The following DAP variants were observed in gnomAD, a reference collection of about 807,000 sequenced individuals.
DAP encodes the protein death associated protein, also known as death-associated protein 1.
In DAP, 8 loss-of-function variants were observed where a neutral mutation model predicts 13.8. The observed-to-expected ratio is 0.58, with a 90% CI of 0.34 to 1.05. DAP has a LOEUF of 1.05. Ranked by LOEUF, DAP falls within the 50% of genes least tolerant of loss-of-function variation. The pLI is 0.03. For synonymous variants in DAP, 47 were observed against 47.5 expected (o/e 0.99, Z 0.04); for missense variants, 106 against 133.2 (o/e 0.80, Z 1.01).
intron 2 of DAP, among the ~76,000 whole-genome samples, chr5:10,721,459 T>A (rs1739138675): frequency 6.6e-6 from 1 of 152,062 alleles, no homozygotes; most frequent in Non-Finnish European, 1.5e-5. Context: ...AAGAAGGGAG[T>A]TACAGTGTTG....
At chr5:10,706,104 C>A (rs1475353249) in intron 2 of DAP, among the ~76,000 whole-genome samples, 4 of 152,214 alleles carry the variant, frequency 2.6e-5, no homozygotes, top group Non-Finnish European at 5.9e-5. Flanking sequence ...GCAGAAGTGT[C>A]TTCATAAACA....
At chr5:10,697,274 T>G (rs959885397) in intron 2 of DAP, among the ~76,000 whole-genome samples, 4 of 152,216 alleles carry the variant, frequency 2.6e-5, no homozygotes, top group Non-Finnish European at 4.4e-5. Flanking sequence ...CATGGTTAGC[T>G]CGTTACAAGA....
At chr5:10,740,961 CCAGTGGTGTGTTGGAGCTGACTTA>C (rs1294598021) in intron 2 of DAP, among the ~76,000 whole-genome samples, 1 of 152,180 alleles carries the variant, frequency 6.6e-6, no homozygotes, top group East Asian at 1.9e-4. Flanking sequence ...GAAGTTGTAG[CCAGTGGTGTGTTGGAGCTGACTTA>C]CACTGGCATG....
intron 2 of DAP, among the ~76,000 whole-genome samples, chr5:10,747,012 T>C (rs1739922011): frequency 6.6e-6 from 1 of 152,194 alleles, no homozygotes; most frequent in Non-Finnish European, 1.5e-5. Flanking sequence ...ATATCCTCTT[T>C]GGGGTTCTGT....
chr5:10,743,503 G>C (rs1022389868), intron 2 of DAP, among the ~76,000 whole-genome samples: 2 of 152,076 alleles, frequency 1.3e-5, no homozygotes, highest in East Asian at 1.9e-4. Context: ...TCCACCACTT[G>C]TCAGTGACCA....
At chr5:10,689,027 C>G (rs1738230744) in intron 2 of DAP, among the ~76,000 whole-genome samples, 1 of 152,216 alleles carries the variant, frequency 6.6e-6, no homozygotes, top group African/African-American at 2.4e-5. Flanking sequence ...CCCTTCCTCC[C>G]TGCCCTCGGT....
intron 2 of DAP, among the ~76,000 whole-genome samples, chr5:10,742,953 C>CCA (rs372075033): frequency 0.065 from 9,835 of 152,274 alleles, 381 homozygotes; most frequent in African/African-American, 0.092. Flanking sequence ...ATCCATCCAT[C>CCA]TATCCATTCA....
intron 2 of DAP, among the ~76,000 whole-genome samples, chr5:10,743,757 C>T (rs889246051): frequency 6.6e-6 from 1 of 152,072 alleles, no homozygotes; most frequent in Non-Finnish European, 1.5e-5. Flanking sequence ...TGGGTCGGCT[C>T]GAGATGGAAT....
chr5:10,697,990 C>T (rs2126643257), intron 2 of DAP, among the ~76,000 whole-genome samples: 1 of 152,262 alleles, frequency 6.6e-6, no homozygotes, highest in East Asian at 1.9e-4. Flanking sequence ...GAGAACCACG[C>T]ACAGTGTGGA....
At chr5:10,712,280 T>C (rs1241437592) in intron 2 of DAP, among the ~76,000 whole-genome samples, 1 of 152,114 alleles carries the variant, frequency 6.6e-6, no homozygotes, top group Non-Finnish European at 1.5e-5. Context: ...AGCAAACTTA[T>C]GCTGTTTCAT....
intron 2 of DAP, among the ~76,000 whole-genome samples, chr5:10,725,744 CAG>C (rs1394257508): frequency 6.6e-6 from 1 of 152,186 alleles, no homozygotes; most frequent in Admixed American, 6.5e-5. Flanking sequence ...GACTAGTTAA[CAG>C]AGCAGAAACG....
chr5:10,707,793 A>G lies in DAP; in HGVS notation c.153-24222T>C, dbSNP rs62337596. 0.059 allele frequency among the ~76,000 whole-genome samples: 9,040 copies of G among 152,216 alleles called. 290 individuals are homozygous for G. The highest frequency in any genetic ancestry group is 0.081 in the South Asian group (390 of 4,824). ...GTGATGCACAGGTGCTATGGTGCAA[A>G]GATGGTGTGATGGATGGGTGGCACT... On this transcript the variant is annotated intron_variant, in intron 2 of 3. Transcript: ENST00000230895. This position sits in a 1 kb window ranked among gnomAD's most constrained non-coding sequence, Gnocchi z 4.0.
intron 2 of DAP, among the ~76,000 whole-genome samples, chr5:10,686,689 G>A (rs1738163711): frequency 6.6e-6 from 1 of 152,210 alleles, no homozygotes; most frequent in East Asian, 1.9e-4. Flanking sequence ...ACTAGCAGAG[G>A]TTGGTTCATG....
At position 10,710,930 on chromosome 5, in the gene DAP, G is replaced by A. The variant is rs1036541083; in HGVS notation, c.153-27359C>T. Reference sequence around the variant, plus strand: ...AGTGGTGAGGGCTGAGGGGTTGTCCGCAGAGGCACGGTGTGAGAAACTGTG... The same window carrying A: ...AGTGGTGAGGGCTGAGGGGTTGTCCACAGAGGCACGGTGTGAGAAACTGTG... On this transcript the variant is annotated intron_variant, in intron 2 of 3. Transcript: ENST00000230895. Among the ~76,000 whole-genome samples the A allele has an allele frequency of 7.9e-5, 12 of 152,234 alleles. 1 individual carries two copies. The East Asian group carries it at 1.9e-3, about 24-fold the overall frequency.
intron 2 of DAP, among the ~76,000 whole-genome samples, chr5:10,734,603 C>T (rs1360699153): frequency 6.6e-6 from 1 of 152,182 alleles, no homozygotes; most frequent in African/African-American, 2.4e-5. Flanking sequence ...CCTGACAGTG[C>T]TATTACCCTG....
At chr5:10,704,370 C>T (rs1201087244) in intron 2 of DAP, among the ~76,000 whole-genome samples, 3 of 151,950 alleles carry the variant, frequency 2.0e-5, no homozygotes, top group Non-Finnish European at 4.4e-5. Flanking sequence ...AACATAAAGC[C>T]CTCTGCAGTT....
In DAP at chr5:10,721,011, T is replaced by C. The variant is rs150439345; in HGVS notation, c.152+27164A>G. Among the ~76,000 whole-genome samples the C allele has an allele frequency of 4.5e-3, 687 of 152,334 alleles. 4 individuals are homozygous for C. Among genetic ancestry groups the C allele is most frequent in the African/African-American group, 0.015 (631 of 41,564 alleles). On this transcript the variant is annotated intron_variant, in intron 2 of 3. Transcript: ENST00000230895. ...AAGTCTGACACTGGGCTCATGCTCA[T>C]GGAATTCACTGGTCTTACCATGTTC...
At chr5:10,703,170 T>C (rs1323151512) in intron 2 of DAP, among the ~76,000 whole-genome samples, 1 of 152,248 alleles carries the variant, frequency 6.6e-6, no homozygotes, top group Non-Finnish European at 1.5e-5. Context: ...CTCTGGGCAG[T>C]AGGACACATC....
At chr5:10,747,452 C>T (rs1739934029) in intron 2 of DAP, among the ~76,000 whole-genome samples, 1 of 152,172 alleles carries the variant, frequency 6.6e-6, no homozygotes, top group East Asian at 1.9e-4. Flanking sequence ...CTCATAAGGG[C>T]ATGGCCTTGT....
Sources: allele counts gnomAD v4.1 joint callset (sites outside exome capture counted in the v4.1 genomes callset), GRCh38; gene constraint gnomAD v4.1.1; non-coding constraint Gnocchi (gnomAD v3.1); transcripts MANE v1.5; gene names NCBI Gene and HGNC (gene_info 2026-07-23, HGNC 2026-07-21).